The following ARL15 variants were observed in gnomAD, a reference collection of about 807,000 sequenced individuals.
ARL15 encodes ADP-ribosylation factor-like protein 15.
A neutral mutation model predicts 25.2 loss-of-function variants in ARL15; 19 were observed. The ratio of observed to expected loss-of-function variants is 0.75; its 90% confidence interval spans 0.53 to 1.10. ARL15 has a LOEUF of 1.10. ARL15 is among the 50% of genes least tolerant of loss of function. ARL15 has a pLI of 0.00. For missense variants in ARL15, 220 were observed against 246.0 expected (o/e 0.89, Z 0.71); for synonymous variants, 94 against 86.8 (o/e 1.08, Z -0.46).
rs1192263572 is a variant in ARL15 at position 54,188,623 on chromosome 5, T to A, written c.49-16695A>T. ...TGTATCTGAGAGGATCAGGGCTCAC[T>A]TGGGACCCACACAAGAGGAATAAGA... On this transcript the variant is annotated intron_variant, in intron 1 of 4. Transcript: ENST00000504924. Among the ~76,000 whole-genome samples the A allele has an allele frequency of 4.6e-5, 7 of 152,268 alleles. No individual in the cohort carries two copies. The East Asian group carries it at 1.2e-3, about 25-fold the overall frequency.
chr5:53,936,652 C>A (rs1746356849), intron 4 of ARL15, among the ~76,000 whole-genome samples: 1 of 152,142 alleles, frequency 6.6e-6, no homozygotes. Context: ...GCTGCTCTTG[C>A]CATTGTTGTT....
chr5:54,140,998 G>GA (rs1753762226), intron 3 of ARL15, among the ~76,000 whole-genome samples: 1 of 152,118 alleles, frequency 6.6e-6, no homozygotes. Flanking sequence ...GCCAAATGCA[G>GA]AATCACCAAC....
intron 3 of ARL15, among the ~76,000 whole-genome samples, chr5:54,140,704 A>T (rs945332050): frequency 6.6e-5 from 10 of 152,184 alleles, no homozygotes; most frequent in African/African-American, 9.7e-5. Flanking sequence ...TGGAAAATAA[A>T]ATTACTTTTT....
intron 2 of ARL15, among the ~76,000 whole-genome samples, chr5:54,155,715 CAT>C (rs1754212194): frequency 1.3e-5 from 2 of 152,038 alleles, no homozygotes; most frequent in African/African-American, 4.8e-5. Flanking sequence ...CACACACACA[CAT>C]GCAAATATAC....
At chr5:54,193,361 C>T (rs1401138340) in intron 1 of ARL15, among the ~76,000 whole-genome samples, 1 of 152,122 alleles carries the variant, frequency 6.6e-6, no homozygotes, top group Admixed American at 6.5e-5. Context: ...TCCAGGGGTC[C>T]TCAACCCCCA....
intron 3 of ARL15, among the ~76,000 whole-genome samples, chr5:54,136,328 A>C: frequency 6.6e-6 from 1 of 152,244 alleles, no homozygotes; most frequent in East Asian, 1.9e-4. Flanking sequence ...GTTTAAGATT[A>C]ATTCAAATTA....
rs79468296 is a variant in ARL15, at chr5:54,046,599, G to A, written c.462+66603C>T. On this transcript the variant is annotated intron_variant, in intron 4 of 4. Transcript: ENST00000504924. ...TTGAATGAAAAAAAGGAAAGACCAG[G>A]ACATTCTATGATTAGCTGCCAGATT... is the stretch of plus-strand genomic sequence containing the variant. Among the ~76,000 whole-genome samples the A allele has an allele frequency of 2.0e-5, 3 of 152,266 alleles. No homozygotes were observed. In the East Asian group the frequency reaches 5.8e-4, roughly 29 times the overall value.
At chr5:54,027,481 T>A (rs1749816764) in intron 4 of ARL15, among the ~76,000 whole-genome samples, 1 of 152,176 alleles carries the variant, frequency 6.6e-6, no homozygotes, top group Admixed American at 6.5e-5. Context: ...CAAAGGGGAA[T>A]TAATTATGTT....
chr5:54,212,743 A>T (rs1256572597), intron 1 of ARL15, among the ~76,000 whole-genome samples: 1 of 152,188 alleles, frequency 6.6e-6, no homozygotes, highest in Non-Finnish European at 1.5e-5. Flanking sequence ...AGTCAAATGG[A>T]GATTGAGAAA....
intron 1 of ARL15, among the ~76,000 whole-genome samples, chr5:54,175,377 C>G (rs1187869337): frequency 6.6e-6 from 1 of 151,706 alleles, no homozygotes; most frequent in Non-Finnish European, 1.5e-5. Context: ...TCTTGTTGCC[C>G]GGGCTGGAGT....
intron 4 of ARL15, among the ~76,000 whole-genome samples, chr5:53,992,121 G>A (rs1748522185): frequency 6.6e-6 from 1 of 152,022 alleles, no homozygotes; most frequent in Admixed American, 6.6e-5. Flanking sequence ...AGAAAGATAT[G>A]ACATCGTCAA....
intron 3 of ARL15, among the ~76,000 whole-genome samples, chr5:54,126,556 A>C (rs1579825825): frequency 6.6e-6 from 1 of 152,352 alleles, no homozygotes; most frequent in South Asian, 2.1e-4. Context: ...TGTGTCCCCC[A>C]AAAAGCATGT....
chr5:54,143,285 T>C lies in ARL15; in HGVS notation c.253+11295A>G, dbSNP rs527774813. 3.9e-5 allele frequency among the ~76,000 whole-genome samples: 6 copies of C among 152,242 alleles called. No homozygotes were observed. The South Asian group carries it at 1.2e-3, about 32-fold the overall frequency. The stretch of plus-strand genomic sequence containing the variant: ...TTTATATAGTTCAGGATTATGTAGT[T>C]AAATATTTAAAGGTTCATGATTACT... On this transcript the variant is annotated intron_variant, in intron 3 of 4. Transcript: ENST00000504924.
chr5:54,200,219 C>T (rs1026114030), intron 1 of ARL15, among the ~76,000 whole-genome samples: 2 of 150,666 alleles, frequency 1.3e-5, no homozygotes, highest in African/African-American at 4.9e-5. Flanking sequence ...GGGTGCAGCG[C>T]ACCAGCATGG....
chr5:53,986,852 C>T (rs1628025), intron 4 of ARL15, among the ~76,000 whole-genome samples: 54,293 of 151,982 alleles, frequency 0.36, 10,608 homozygotes, highest in Middle Eastern at 0.46. Flanking sequence ...AGCAGGATTT[C>T]GGGAGCAAAC....
chr5:54,251,814 A>T (rs1230067048), intron 1 of ARL15, among the ~76,000 whole-genome samples: 1 of 152,228 alleles, frequency 6.6e-6, no homozygotes, highest in Non-Finnish European at 1.5e-5. Context: ...TTGTCTGCAC[A>T]ATAGAATCAC....
chr5:54,283,133 T>C (rs747745556), intron 1 of ARL15, among the ~76,000 whole-genome samples: 6 of 152,218 alleles, frequency 3.9e-5, no homozygotes, highest in Non-Finnish European at 5.9e-5. Flanking sequence ...GTTTTATCCA[T>C]TGTGGCAAGG....
At chr5:53,931,326 A>G (rs1414126501) in intron 4 of ARL15, among the ~76,000 whole-genome samples, 2 of 152,208 alleles carry the variant, frequency 1.3e-5, no homozygotes, top group Non-Finnish European at 2.9e-5. Context: ...CACTTAGAAA[A>G]GATGTACGTA....
chr5:54,251,138 T>C (rs10064685), intron 1 of ARL15, among the ~76,000 whole-genome samples: 6,864 of 63,472 alleles, frequency 0.11, 313 homozygotes, highest in African/African-American at 0.17. Context: ...TGAAAGCCCC[T>C]CCCCTAATTC....
Sources: allele counts gnomAD v4.1 joint callset (sites outside exome capture counted in the v4.1 genomes callset), GRCh38; gene constraint gnomAD v4.1.1; transcripts MANE v1.5; gene names NCBI Gene and HGNC (gene_info 2026-07-23, HGNC 2026-07-21).